SERPINB13: variants seen among roughly 807,000 people sequenced by gnomAD.
SERPINB13 encodes the protein serpin B13.
A neutral mutation model predicts 31.2 loss-of-function variants in SERPINB13; 26 were observed. The ratio of observed to expected loss-of-function variants is 0.83; its 90% CI spans 0.61 to 1.15. The LOEUF is 1.15. Among genes scored for constraint, SERPINB13 ranks in the 50% most tolerant of loss-of-function variants. The pLI, the probability that SERPINB13 is intolerant of heterozygous loss-of-function variation, is 0.00. For synonymous variants in SERPINB13, 191 were observed against 172.4 expected (o/e 1.11, Z -0.85); for missense variants, 510 against 469.4 (o/e 1.09, Z -0.80).
intron 5 of SERPINB13, among the ~76,000 whole-genome samples, chr18:63,593,539 A>T (rs1911980989): frequency 6.6e-6 from 1 of 152,196 alleles, no homozygotes; most frequent in Non-Finnish European, 1.5e-5. Flanking sequence ...AGAGGATTTG[A>T]CAAGTTTCTT....
chr18:63,588,019 A>G (rs1348152502), intron 1 of SERPINB13, among the ~76,000 whole-genome samples: 5 of 152,214 alleles, frequency 3.3e-5, no homozygotes, highest in Non-Finnish European at 7.3e-5. Context: ...ATGACCAGAG[A>G]TATGTGGTTT....
Position 63,592,839 on chromosome 18 carries a change from T to G in SERPINB13, c.355-15T>G. 6.7e-7 allele frequency: 1 copy of G among 1,487,544 alleles called. No homozygotes were observed. The highest frequency in any genetic ancestry group is 9.2e-7 in the Non-Finnish European group (1 of 1,082,030). 92.1% of individuals were successfully genotyped at this position (1,487,544 alleles called of 1,614,324 possible). A position where few individuals can be genotyped will look rare whatever the true frequency, so the allele number is the denominator to read the frequency against. On this transcript the variant is annotated splice_polypyrimidine_tract_variant and intron_variant, in intron 4 of 7. Coordinates refer to ENST00000344731, the MANE Select transcript of SERPINB13 (RefSeq NM_012397.4). ...TTTTTAACCTCTTTTTATTCCTTCC[T>G]TGTTTCTCCTAAAGAAATACTTAGA...
intron 3 of SERPINB13, among the ~76,000 whole-genome samples, chr18:63,590,208 C>G (rs548766277): frequency 6.6e-6 from 1 of 152,280 alleles, no homozygotes; most frequent in Admixed American, 6.5e-5. Context: ...TAACCCCGTG[C>G]TGATGTTGTA....
chr18:63,595,012 C>T lies in SERPINB13; in HGVS notation c.616-17C>T. 2 of 1,598,974 alleles carry T rather than the reference C, an allele frequency of 1.3e-6. No homozygotes were observed. Among genetic ancestry groups the T allele is most frequent in the Non-Finnish European group, 1.7e-6 (2 of 1,174,782 alleles). ...CTTATGTCCTTTGATATTGTGTGCTCTGTTAATTTGTTGCAGAGCACAAGT... is the reference window on the plus strand; with the variant it reads ...CTTATGTCCTTTGATATTGTGTGCTTTGTTAATTTGTTGCAGAGCACAAGT... On this transcript the variant is annotated splice_polypyrimidine_tract_variant and intron_variant, in intron 6 of 7. Coordinates refer to ENST00000344731, the MANE Select transcript of SERPINB13 (RefSeq NM_012397.4).
At position 63,598,847 on chromosome 18, in the gene SERPINB13, A is replaced by G. The variant is rs1450980352; in HGVS notation, c.*1484A>G. On this transcript the variant is annotated 3_prime_UTR_variant, in exon 8 of 8. Transcript: ENST00000344731. ...TAAGAAACAGTCAAACTGTTTTCCAACGTGACATTTTATATTCCCACCAGG... is the reference window on the plus strand; with the variant it reads ...TAAGAAACAGTCAAACTGTTTTCCAGCGTGACATTTTATATTCCCACCAGG... The G allele has an allele frequency of 6.6e-6, 1 of 152,210 alleles. No homozygotes were observed. Among genetic ancestry groups the G allele is most frequent in the African/African-American group, 2.4e-5 (1 of 41,458 alleles). The allele number at this position is 152,210 out of a possible 1,614,324, so 9.4% of individuals were successfully genotyped here. A position where few individuals can be genotyped will look rare whatever the true frequency, so the allele number is the denominator to read the frequency against.
chr18:63,597,211 G>A lies in SERPINB13; in HGVS notation c.1024G>A (p.Gly342Ser), dbSNP rs757632034. ...HSSFVAVTEE[G>S]TEAAAATGIG... ...TTCCTTTGTGGCAGTAACTGAGGAA[G>A]GCACCGAGGCTGCAGCTGCCACCGG... The change falls in exon 8 of 8, where the codon GGC becomes AGC. Residue 342 changes from glycine to serine, a missense_variant. Gly to Ser is a moderately conservative substitution (Grantham distance 56). Transcript: ENST00000344731. 21 of 1,614,196 alleles carry A rather than the reference G, an allele frequency of 1.3e-5. No homozygotes were observed. The South Asian group carries it at 1.5e-4, about 12-fold the overall frequency.
chr18:63,592,296 T>A, intron 3 of SERPINB13, 52 bp from the exon 4 acceptor site: 1 of 1,580,350 alleles, frequency 6.3e-7, no homozygotes, highest in Non-Finnish European at 8.6e-7. Context: ...GGGGAGAATC[T>A]GGGCTTGCTT....
At chr18:63,595,263 G>A in intron 7 of SERPINB13, 79 bp downstream of exon 7, 1 of 1,416,566 alleles carries the variant, frequency 7.1e-7, no homozygotes, top group Non-Finnish European at 9.6e-7. Flanking sequence ...GGAGCTGGTG[G>A]CCAGCAGTGT....
In SERPINB13 at chr18:63,596,968, A is replaced by T; in HGVS notation, c.781A>T (p.Lys261Ter). 6.2e-7 allele frequency: 1 copy of T among 1,600,320 alleles called. No homozygotes were observed. The highest frequency in any genetic ancestry group is 8.5e-7 in the Non-Finnish European group (1 of 1,172,744). Residue 261 changes from lysine to a stop codon, truncating the protein, a stop_gained, in exon 8 of 8, where the codon AAA becomes TAA. Transcript: ENST00000344731. LOFTEE classifies it low-confidence loss of function (END_TRUNC). ...DIDGLEKIIDKISPEKLVEWT... is the reference protein window; with the variant it reads ...DIDGLEKIID ...CTTTTTTTGAAAATAGATAATAGAT[A>T]AAATAAGTCCTGAGAAATTGGTAGA...
At position 63,597,023 on chromosome 18, in the gene SERPINB13, G is replaced by C; in HGVS notation, c.836G>C (p.Arg279Thr). ...EWTSPGHMEE[R>T]KVNLHLPRFE... is the part of the protein sequence containing the mutation. ...ACTAGTCCAGGGCATATGGAAGAAA[G>C]AAAGGTGAATCTGCACTTGCCCCGG... The change falls in exon 8 of 8, where the codon AGA becomes ACA. Residue 279 changes from arginine (R) to threonine (T), a missense_variant. By Grantham distance (71) the Arg-to-Thr change is moderately conservative (BLOSUM62 -1). Transcript: ENST00000344731. 2 of 1,614,200 alleles carry C rather than the reference G, an allele frequency of 1.2e-6. No homozygotes were observed. The highest frequency in any genetic ancestry group is 1.3e-5 in the African/African-American group (1 of 75,046).
Position 63,589,647 on chromosome 18 carries a change from C to T in SERPINB13, c.166-9C>T. The T allele has an allele frequency of 6.2e-7, 1 of 1,613,144 alleles. No individual in the cohort carries two copies. The highest frequency in any genetic ancestry group is 8.5e-7 in the Non-Finnish European group (1 of 1,179,568). On this transcript the variant is annotated splice_polypyrimidine_tract_variant and intron_variant, in intron 2 of 7. Coordinates refer to ENST00000344731, the MANE Select transcript of SERPINB13 (RefSeq NM_012397.4). ...TGAGCACCACAGTAATATTTTCTAT[C>T]TCTTCCAGGTGTTTCACTCTGAAAA...
chr18:63,595,198 C>A lies in SERPINB13; in HGVS notation c.771+14C>A. ...GGCCTGGAGAAGGTAAACGCTTACA[C>A]CTCCTTATTCTTTCTTTCATTTCCT... On this transcript the variant is annotated intron_variant, in intron 7 of 7. Transcript: ENST00000344731. 1 of 1,593,060 alleles carries A rather than the reference C, an allele frequency of 6.3e-7. No homozygotes were observed. The highest frequency in any genetic ancestry group is 8.5e-7 in the Non-Finnish European group (1 of 1,172,920).
intron 1 of SERPINB13, among the ~76,000 whole-genome samples, chr18:63,588,123 A>C (rs1287272119): frequency 6.6e-6 from 1 of 152,242 alleles, no homozygotes; most frequent in Non-Finnish European, 1.5e-5. Context: ...CTCTGGGCTG[A>C]ATTTTGAATC....
Position 63,595,143 on chromosome 18 carries a change from A to T in SERPINB13, c.730A>T (p.Met244Leu). 6 of 1,614,022 alleles carry T rather than the reference A, an allele frequency of 3.7e-6. No individual in the cohort carries two copies. The highest frequency in any genetic ancestry group is 5.1e-6 in the Non-Finnish European group (6 of 1,179,964). The change falls in exon 7 of 8, where the codon ATG becomes TTG. Residue 244 changes from methionine to leucine, a missense_variant. Coordinates refer to ENST00000344731, the MANE Select transcript of SERPINB13 (RefSeq NM_012397.4). ...GIPYKNNDLS[M>L]FVLLPNDIDG... ...TCCATATAAAAACAACGACCTAAGC[A>T]TGTTTGTGCTTCTGCCCAACGACAT...
rs776529578 is a variant in SERPINB13 at position 63,594,405 on chromosome 18, C to CT, written c.524dup (p.Val176GlyfsTer9). The CT allele has an allele frequency of 1.9e-6, 3 of 1,613,962 alleles. No individual in the cohort carries two copies. Among genetic ancestry groups the CT allele is most frequent in the Non-Finnish European group, 2.5e-6 (3 of 1,179,960 alleles). ...TGGCTCTATTAGTAGCTCTACCAAGCTGGTGCTGGTGAACATGGTTTATTT... is the reference window on the plus strand; with the variant it reads ...TGGCTCTATTAGTAGCTCTACCAAGCTTGGTGCTGGTGAACATGGTTTATTT... On this transcript the variant is annotated frameshift_variant, in exon 6 of 8. Coordinates refer to ENST00000344731, the MANE Select transcript of SERPINB13 (RefSeq NM_012397.4). LOFTEE classifies it high-confidence loss of function.
chr18:63,593,063 G>A, intron 5 of SERPINB13, 92 bp downstream of exon 5: 1 of 813,650 alleles, frequency 1.2e-6, no homozygotes, highest in Non-Finnish European at 2.0e-6. Flanking sequence ...TGTGAATGAA[G>A]CCCTGGACTT....
At chr18:63,594,119 C>T (rs760861936) in intron 5 of SERPINB13, 33 of 1,423,102 alleles carry the variant, frequency 2.3e-5, no homozygotes, top group Non-Finnish European at 2.5e-5. Flanking sequence ...GCATCTGACC[C>T]CAGAGTCTGG....
chr18:63,594,722 C>G (rs186074623), intron 6 of SERPINB13, among the ~76,000 whole-genome samples: 124 of 152,074 alleles, frequency 8.2e-4, no homozygotes, highest in Non-Finnish European at 1.5e-3. Context: ...GCCGGTAGTC[C>G]CAGCTACTTG....
intron 3 of SERPINB13, among the ~76,000 whole-genome samples, chr18:63,590,373 G>A (rs1599445496): frequency 6.6e-6 from 1 of 152,096 alleles, no homozygotes; most frequent in South Asian, 2.1e-4. Context: ...TCTCAGGAAG[G>A]GCACAGCTGC....
Sources: allele counts gnomAD v4.1 joint callset (sites outside exome capture counted in the v4.1 genomes callset), GRCh38; gene constraint gnomAD v4.1.1; transcripts MANE v1.5; gene names NCBI Gene and HGNC (gene_info 2026-07-23, HGNC 2026-07-21).